TMEM41B: variants seen among roughly 807,000 people sequenced by gnomAD.
TMEM41B encodes transmembrane protein 41B.
Under a neutral mutation model 31.9 loss-of-function variants are expected in TMEM41B, and 18 were observed. The observed-to-expected ratio is 0.56, with a 90% CI of 0.39 to 0.84. The LOEUF (loss-of-function observed/expected upper bound fraction) is 0.84, where lower values mean the gene tolerates loss of function less well. Among genes scored for constraint, TMEM41B ranks in the 40% least tolerant of loss-of-function variants. The pLI, the probability that TMEM41B is intolerant of heterozygous loss-of-function variation, is 0.00. For missense variants in TMEM41B, 322 were observed against 348.0 expected (o/e 0.93, Z 0.59); for synonymous variants, 144 against 124.3 (o/e 1.16, Z -1.05).
chr11:9,285,411 T>C (rs1158211041), intron 6 of TMEM41B, among the ~76,000 whole-genome samples: 2 of 152,046 alleles, frequency 1.3e-5, no homozygotes, highest in Non-Finnish European at 2.9e-5. Flanking sequence ...CAATAAATAA[T>C]TGATTTTGGT....
At chr11:9,311,584 A>G in intron 1 of TMEM41B, 1 of 1,060,034 alleles carries the variant, frequency 9.4e-7, no homozygotes, top group Non-Finnish European at 1.4e-6. Flanking sequence ...CCTGGGGGAA[A>G]GGGTGGGTTG....
At chr11:9,314,293 C>A in intron 1 of TMEM41B, 28 bp downstream of exon 1, 1 of 1,587,182 alleles carries the variant, frequency 6.3e-7, no homozygotes, top group East Asian at 2.3e-5. Flanking sequence ...TCGGGCCACC[C>A]CCAGCTCTGC....
intron 2 of TMEM41B, among the ~76,000 whole-genome samples, chr11:9,299,043 G>A (rs1347601405): frequency 1.4e-4 from 22 of 151,768 alleles, no homozygotes; most frequent in Non-Finnish European, 2.6e-4. Context: ...CACTTTGGGA[G>A]GCCGAGGCAG....
chr11:9,292,512 T>A (rs1220571810), intron 3 of TMEM41B, among the ~76,000 whole-genome samples: 3 of 152,106 alleles, frequency 2.0e-5, no homozygotes, highest in African/African-American at 7.2e-5. Context: ...CTACTAACAA[T>A]ATGATGACTA....
intron 3 of TMEM41B, among the ~76,000 whole-genome samples, chr11:9,292,267 T>C (rs7103472): frequency 0.15 from 22,925 of 152,174 alleles, 1,963 homozygotes; most frequent in Non-Finnish European, 0.2. Flanking sequence ...CTTTATCTTA[T>C]ACTAGTAGTC....
intron 1 of TMEM41B, 140 bp from the exon 2 acceptor site, chr11:9,299,841 C>T (rs953618177): frequency 8.1e-5 from 55 of 679,224 alleles, no homozygotes; most frequent in East Asian, 2.0e-4. Flanking sequence ...AGCACTGGGC[C>T]GGGCACAGTG....
intron 1 of TMEM41B, among the ~76,000 whole-genome samples, chr11:9,314,079 A>T (rs2133660269): frequency 6.6e-6 from 1 of 152,242 alleles, no homozygotes; most frequent in East Asian, 1.9e-4. Flanking sequence ...TCAACAAGCC[A>T]GTGTCATCCC....
chr11:9,296,806 T>C (rs1373822637), intron 2 of TMEM41B, among the ~76,000 whole-genome samples: 1 of 152,206 alleles, frequency 6.6e-6, no homozygotes, highest in Non-Finnish European at 1.5e-5. Flanking sequence ...ACTGCAAGTT[T>C]TCCAGTACTT....
chr11:9,287,291 A>C (rs1262758867), intron 5 of TMEM41B, among the ~76,000 whole-genome samples: 1 of 152,190 alleles, frequency 6.6e-6, no homozygotes, highest in Non-Finnish European at 1.5e-5. Context: ...AGCCTGGGTG[A>C]CAGAGTAAGA....
intron 2 of TMEM41B, 54 bp from the exon 3 acceptor site, chr11:9,295,441 A>C (rs1486939556): frequency 9.8e-7 from 1 of 1,024,184 alleles, no homozygotes; most frequent in Non-Finnish European, 1.5e-6. Flanking sequence ...GATAATATCA[A>C]AGTCAAGTTC....
At chr11:9,306,381 T>C (rs1052361803) in intron 1 of TMEM41B, among the ~76,000 whole-genome samples, 1 of 152,090 alleles carries the variant, frequency 6.6e-6, no homozygotes, top group African/African-American at 2.4e-5. Flanking sequence ...CCAAAGGTAC[T>C]GTTATAGAAA....
chr11:9,290,629 A>C (rs2133616501), intron 3 of TMEM41B, among the ~76,000 whole-genome samples: 1 of 152,186 alleles, frequency 6.6e-6, no homozygotes, highest in South Asian at 2.1e-4. Flanking sequence ...CCTTGAGGAA[A>C]TTGAGAGAAG....
intron 1 of TMEM41B, among the ~76,000 whole-genome samples, chr11:9,301,996 T>A: frequency 6.7e-6 from 1 of 148,908 alleles, no homozygotes; most frequent in Middle Eastern, 3.5e-3. Flanking sequence ...TCTCTTATAT[T>A]ATTTTTCTCG....
At position 9,293,676 on chromosome 11, in the gene TMEM41B, G is replaced by A. The variant is rs544018919; in HGVS notation, c.368+1583C>T. 2.0e-5 allele frequency among the ~76,000 whole-genome samples: 3 copies of A among 152,172 alleles called. No individual in the cohort carries two copies. The South Asian group carries it at 6.2e-4, about 32-fold the overall frequency. On this transcript the variant is annotated intron_variant, in intron 3 of 6. Coordinates refer to ENST00000528080, the MANE Select transcript of TMEM41B (RefSeq NM_015012.4). ...AGCTCACTGCAACCTCCACCTCCTGGGTTCAGGTGATCCTCCTGCCTCAGC... is the reference window on the plus strand; with the variant it reads ...AGCTCACTGCAACCTCCACCTCCTGAGTTCAGGTGATCCTCCTGCCTCAGC...
chr11:9,312,615 A>G (rs1039966560), intron 1 of TMEM41B, among the ~76,000 whole-genome samples: 15 of 152,094 alleles, frequency 9.9e-5, no homozygotes, highest in African/African-American at 3.1e-4. Flanking sequence ...CATCATAAGA[A>G]TAATTGTAGG....
intron 6 of TMEM41B, among the ~76,000 whole-genome samples, chr11:9,285,085 TTTC>T (rs1231148773): frequency 6.0e-4 from 79 of 131,442 alleles, no homozygotes; most frequent in South Asian, 4.8e-3. Flanking sequence ...TCTTTCCTTC[TTTC>T]TTTTTTTTTT....
intron 6 of TMEM41B, among the ~76,000 whole-genome samples, chr11:9,285,812 CAAAAAA>C (rs59531093): frequency 1.4e-5 from 1 of 70,656 alleles, no homozygotes; most frequent in Non-Finnish European, 3.0e-5. Flanking sequence ...GCAACATTTA[CAAAAAA>C]AAAAAAAAAA....
At chr11:9,298,356 G>C (rs953730667) in intron 2 of TMEM41B, among the ~76,000 whole-genome samples, 4 of 151,506 alleles carry the variant, frequency 2.6e-5, no homozygotes, top group Non-Finnish European at 5.9e-5. Context: ...CTACTCGTGA[G>C]ACTGAGGCAG....
In TMEM41B at chr11:9,286,608, A is replaced by T. The variant is rs201631060; in HGVS notation, c.568-15T>A. ...TGACGTTCAACCTGTCATAAGAAAG[A>T]AAAGAATTAGCATCAGATGAGGACA... On this transcript the variant is annotated splice_polypyrimidine_tract_variant and intron_variant, in intron 5 of 6. Transcript: ENST00000528080. 1.2e-4 allele frequency: 192 copies of T among 1,585,336 alleles called. No homozygotes were observed. The African/African-American group carries it at 2.3e-3, about 19-fold the overall frequency.
Sources: gnomAD v4.1 joint callset for allele counts (sites outside exome capture counted in the v4.1 genomes callset) on GRCh38, gnomAD v4.1.1 for gene constraint, MANE v1.5 for transcripts, NCBI Gene and HGNC (gene_info 2026-07-23, HGNC 2026-07-21) for gene names.